TENM2: variants seen among roughly 807,000 people sequenced by gnomAD.
The protein encoded by TENM2 is teneurin transmembrane protein 2, also known as teneurin-2.
TENM2 carries 52 observed loss-of-function variants against 245.2 expected under a neutral mutation model. The ratio of observed to expected loss-of-function variants is 0.21; its 90% confidence interval spans 0.17 to 0.27. TENM2 has a LOEUF of 0.27. Among genes scored for constraint, TENM2 ranks in the 10% least tolerant of loss-of-function variants. The pLI, the probability that TENM2 is intolerant of heterozygous loss-of-function variation, is 1.00. For missense variants in TENM2, 3,046 were observed against 3,666.8 expected (o/e 0.83, Z 4.37); for synonymous variants, 1,363 against 1,438.9 (o/e 0.95, Z 1.19).
chr5:168,211,056 T>C (rs1024224096), intron 19 of TENM2, among the ~76,000 whole-genome samples: 2 of 152,190 alleles, frequency 1.3e-5, no homozygotes, highest in East Asian at 3.8e-4. Flanking sequence ...GTTATTGCAA[T>C]ATTGGACGTT....
chr5:167,366,341 AT>A (rs1303188899), intron 1 of TENM2, among the ~76,000 whole-genome samples: 1 of 152,140 alleles, frequency 6.6e-6, no homozygotes, highest in Non-Finnish European at 1.5e-5. Flanking sequence ...TCATGACAAA[AT>A]AGAAAATAGT....
intron 1 of TENM2, among the ~76,000 whole-genome samples, chr5:167,324,755 C>T (rs1306562514): frequency 6.6e-6 from 1 of 151,976 alleles, no homozygotes; most frequent in Non-Finnish European, 1.5e-5. Context: ...TACAATATTA[C>T]TAATATGATA....
chr5:168,047,440 C>T (rs200480881), exon 6 of TENM2: 16 of 1,551,678 alleles, frequency 1.0e-5, no homozygotes, highest in Non-Finnish European at 1.4e-5. Context: ...TGCATCTGCT[C>T]GGACTCAATT....
At chr5:168,019,320 G>A (rs1229108629) in intron 5 of TENM2, among the ~76,000 whole-genome samples, 2 of 152,198 alleles carry the variant, frequency 1.3e-5, no homozygotes. Flanking sequence ...GTGGAAGAGG[G>A]CATGGAGCCG....
intron 2 of TENM2, among the ~76,000 whole-genome samples, chr5:167,609,655 C>T (rs920215494): frequency 2.0e-5 from 3 of 152,010 alleles, no homozygotes; most frequent in Admixed American, 6.6e-5. Flanking sequence ...GTAGGGCACA[C>T]GAAGGGGATT....
At chr5:167,371,192 C>A (rs1218155737) in intron 1 of TENM2, among the ~76,000 whole-genome samples, 1 of 152,028 alleles carries the variant, frequency 6.6e-6, no homozygotes, top group African/African-American at 2.4e-5. Flanking sequence ...TAGAGTAAAT[C>A]CCCAGTCCTT....
chr5:167,519,139 T>C (rs772834824), intron 2 of TENM2, among the ~76,000 whole-genome samples: 5 of 152,190 alleles, frequency 3.3e-5, no homozygotes, highest in East Asian at 3.8e-4. Flanking sequence ...TCTAACACTC[T>C]GTAACAAACA....
the TENM2 span, among the ~76,000 whole-genome samples, chr5:167,082,016 T>C: frequency 0.037 from 5,598 of 152,266 alleles, 128 homozygotes; most frequent in South Asian, 0.089. Flanking sequence ...CTGTGACTGC[T>C]CTTAAACTCG....
At chr5:167,393,268 A>G (rs1044201454) in intron 2 of TENM2, among the ~76,000 whole-genome samples, 21 of 152,184 alleles carry the variant, frequency 1.4e-4, no homozygotes, top group African/African-American at 5.1e-4. Flanking sequence ...TATGCTATGT[A>G]GTGATAAATG....
chr5:167,165,609 A>G, the TENM2 span, among the ~76,000 whole-genome samples: 1 of 151,972 alleles, frequency 6.6e-6, no homozygotes, highest in Non-Finnish European at 1.5e-5. Flanking sequence ...CTGAATACAC[A>G]AAAAAAATCT....
chr5:167,160,699 G>T, the TENM2 span, among the ~76,000 whole-genome samples: 1 of 151,942 alleles, frequency 6.6e-6, no homozygotes, highest in Non-Finnish European at 1.5e-5. Context: ...TTCCTCTCTG[G>T]CACTTATCAA....
At chr5:167,258,198 CAT>C in the TENM2 span, among the ~76,000 whole-genome samples, 6,103 of 141,706 alleles carry the variant, frequency 0.043, 404 homozygotes, top group African/African-American at 0.15. Context: ...AATGTGTTGC[CAT>C]ATATATATAT....
At chr5:167,261,172 A>G in the TENM2 span, among the ~76,000 whole-genome samples, 12 of 152,184 alleles carry the variant, frequency 7.9e-5, no homozygotes, top group East Asian at 1.6e-3. Flanking sequence ...CTTTAACACA[A>G]TCCCCAGGGG....
In TENM2 at chr5:168,098,009, A is replaced by C. The variant is rs1200899052; in HGVS notation, c.1712-17A>C. 4 of 1,590,122 alleles carry C rather than the reference A, an allele frequency of 2.5e-6. No individual in the cohort carries two copies. The highest frequency in any genetic ancestry group is 3.4e-6 in the Non-Finnish European group (4 of 1,159,858). On this transcript the variant is annotated splice_polypyrimidine_tract_variant and intron_variant, in intron 8 of 28. Transcript: ENST00000518659. Reference sequence around the variant, plus strand: ...AGACAGAGGAAAAGGTAAACACTACATTTATCTCTTTTTCAGATTCAGTGC... The same window carrying C: ...AGACAGAGGAAAAGGTAAACACTACCTTTATCTCTTTTTCAGATTCAGTGC...
At chr5:168,118,608 A>C (rs1286893695) in intron 10 of TENM2, 122 bp downstream of exon 12, 2 of 693,370 alleles carry the variant, frequency 2.9e-6, no homozygotes, top group Non-Finnish European at 4.4e-6. Context: ...CATTTTGCAC[A>C]AAACAACTTC....
the TENM2 span, among the ~76,000 whole-genome samples, chr5:167,276,351 TTTGTGTG>T: frequency 0.012 from 421 of 35,460 alleles, 2 homozygotes; most frequent in African/African-American, 0.024. Flanking sequence ...GCCTGTTCAT[TTTGTGTG>T]TGTGTGTGTG....
At chr5:167,061,877 C>T in the TENM2 span, among the ~76,000 whole-genome samples, 8 of 150,384 alleles carry the variant, frequency 5.3e-5, no homozygotes, top group African/African-American at 1.5e-4. Flanking sequence ...ATCATTATCT[C>T]GTAGGCACAG....
At chr5:167,811,878 G>A (rs187508814) in intron 2 of TENM2, among the ~76,000 whole-genome samples, 1 of 152,194 alleles carries the variant, frequency 6.6e-6, no homozygotes, top group East Asian at 1.9e-4. Context: ...AAAAATTATT[G>A]AGCAGCTACT....
intron 2 of TENM2, among the ~76,000 whole-genome samples, chr5:167,716,519 T>C (rs1759269447): frequency 6.6e-6 from 1 of 152,240 alleles, no homozygotes; most frequent in African/African-American, 2.4e-5. Flanking sequence ...ATTGTGGCTT[T>C]TGGGTAGGGA....
Sources: gnomAD v4.1 joint callset for allele counts (sites outside exome capture counted in the v4.1 genomes callset) on GRCh38, gnomAD v4.1.1 for gene constraint, MANE v1.5 for transcripts, NCBI Gene and HGNC (gene_info 2026-07-23, HGNC 2026-07-21) for gene names.